The following APP variants were observed in gnomAD, a reference collection of about 807,000 sequenced individuals.
APP encodes the protein amyloid beta precursor protein.
A neutral mutation model predicts 101.4 loss-of-function variants in APP; 31 were observed. The ratio of observed to expected loss-of-function variants is 0.31; its 90% CI spans 0.23 to 0.41. The LOEUF is 0.41. APP is among the 10% of genes least tolerant of loss of function. The pLI is 1.00. For synonymous variants in APP, 366 were observed against 364.4 expected, an observed-to-expected ratio of 1.00 and a Z score of -0.05; for missense variants, 839 against 1,003.7, an observed-to-expected ratio of 0.84 and a Z score of 2.22.
At chr21:26,084,477 G>A (rs1024955739) in intron 3 of APP, among the ~76,000 whole-genome samples, 19 of 152,216 alleles carry the variant, frequency 1.2e-4, no homozygotes, top group Admixed American at 7.8e-4. Flanking sequence ...CTGACCTTGC[G>A]ATCCGCCCAT....
At chr21:26,045,099 C>A (rs769042510) in intron 5 of APP, among the ~76,000 whole-genome samples, 155 of 151,600 alleles carry the variant, frequency 1.0e-3, no homozygotes, top group Non-Finnish European at 1.8e-3. Flanking sequence ...AGAGATAATG[C>A]AGAAAAAAAG....
At chr21:26,089,900 C>G in intron 3 of APP, 43 bp downstream of exon 3, 1 of 1,612,932 alleles carries the variant, frequency 6.2e-7, no homozygotes, top group Non-Finnish European at 8.5e-7. Flanking sequence ...TCCCTCAAGA[C>G]CAGGCCCCCA....
At chr21:25,909,416 TATACCAG>T (rs2038955509) in intron 14 of APP, among the ~76,000 whole-genome samples, 1 of 152,176 alleles carries the variant, frequency 6.6e-6, no homozygotes, top group Non-Finnish European at 1.5e-5. Context: ...CCAAAATTGT[TATACCAG>T]ATTCTACTGT....
intron 1 of APP, among the ~76,000 whole-genome samples, chr21:26,143,354 C>T (rs2063088108): frequency 6.6e-6 from 1 of 151,970 alleles, no homozygotes; most frequent in Admixed American, 6.6e-5. Flanking sequence ...AGTTATTATC[C>T]CTTTTGGCTT....
intron 16 of APP, among the ~76,000 whole-genome samples, chr21:25,892,711 T>C (rs979076208): frequency 3.9e-5 from 6 of 152,316 alleles, no homozygotes; most frequent in African/African-American, 9.6e-5. Flanking sequence ...TAAAATTTCA[T>C]TTACTGCACT....
At chr21:25,967,446 CTAAG>C (rs1276432259) in intron 11 of APP, among the ~76,000 whole-genome samples, 1 of 152,136 alleles carries the variant, frequency 6.6e-6, no homozygotes, top group Non-Finnish European at 1.5e-5. Flanking sequence ...AAGATTTAGA[CTAAG>C]TATCTGTAAA....
intron 3 of APP, among the ~76,000 whole-genome samples, chr21:26,055,341 A>G (rs1221811194): frequency 1.3e-5 from 2 of 152,232 alleles, no homozygotes; most frequent in Non-Finnish European, 2.9e-5. Flanking sequence ...AAGCATTAAG[A>G]TATAAATTAT....
At chr21:26,107,694 G>C (rs771755006) in intron 2 of APP, among the ~76,000 whole-genome samples, 1 of 152,176 alleles carries the variant, frequency 6.6e-6, no homozygotes, top group Admixed American at 6.5e-5. Context: ...GGTAAAATGA[G>C]TGCAAGTACT....
intron 1 of APP, among the ~76,000 whole-genome samples, chr21:26,150,946 A>G (rs1419836385): frequency 6.6e-6 from 1 of 152,184 alleles, no homozygotes; most frequent in African/African-American, 2.4e-5. Flanking sequence ...TTTGCTCCAA[A>G]TACCTATAAT....
At chr21:26,080,769 CAAA>C (rs58573361) in intron 3 of APP, among the ~76,000 whole-genome samples, 11 of 95,824 alleles carry the variant, frequency 1.1e-4, no homozygotes, top group Admixed American at 1.2e-4. Context: ...GACTCTATCT[CAAA>C]AAAAAAAAAA....
At chr21:26,030,964 T>C (rs1377824126) in intron 5 of APP, among the ~76,000 whole-genome samples, 1 of 152,194 alleles carries the variant, frequency 6.6e-6, no homozygotes, top group Non-Finnish European at 1.5e-5. Flanking sequence ...CTTCCTGGTA[T>C]TTACATTCTA....
chr21:26,077,826 G>C (rs898727063), intron 3 of APP, among the ~76,000 whole-genome samples: 1 of 149,792 alleles, frequency 6.7e-6, no homozygotes, highest in Admixed American at 6.7e-5. Context: ...TCACCAACAA[G>C]TTGAAATTTA....
intron 13 of APP, among the ~76,000 whole-genome samples, chr21:25,929,538 A>C (rs1257848492): frequency 6.6e-6 from 1 of 152,160 alleles, no homozygotes; most frequent in Non-Finnish European, 1.5e-5. Flanking sequence ...ATTAGGCCTG[A>C]GGACACAGAG....
intron 6 of APP, among the ~76,000 whole-genome samples, chr21:26,014,549 C>T (rs2043967883): frequency 6.6e-6 from 1 of 152,184 alleles, no homozygotes; most frequent in African/African-American, 2.4e-5. Context: ...ACTTTCTCTT[C>T]TCCATGCTGC....
rs1338174387 is a variant in APP at position 26,053,311 on chromosome 21, G to C, written c.393C>G (p.Asp131Glu). 1.2e-6 allele frequency: 2 copies of C among 1,613,756 alleles called. No individual in the cohort carries two copies. Among genetic ancestry groups the C allele is most frequent in the East Asian group, 2.2e-5 (1 of 44,872 alleles). Residue 131 changes from aspartate to glutamate, a missense_variant, in exon 4 of 18, where the codon GAC becomes GAG. Asp to Glu is a conservative substitution (Grantham distance 45, BLOSUM62 2). Coordinates refer to ENST00000346798, the MANE Select transcript of APP (RefSeq NM_000484.4). Reference sequence around the variant, plus strand: ...TCTCCTGGTGTAAGAATTTGCACTTGTCAGGAACGAGAAGGGCATCACTTA... The same window carrying C: ...TCTCCTGGTGTAAGAATTTGCACTTCTCAGGAACGAGAAGGGCATCACTTA... ...EFVSDALLVPDKCKFLHQERM... is the reference protein window; with the variant it reads ...EFVSDALLVPEKCKFLHQERM...
chr21:26,102,091 T>TC (rs1451341276), intron 2 of APP, among the ~76,000 whole-genome samples: 2 of 70,340 alleles, frequency 2.8e-5, no homozygotes, highest in East Asian at 7.6e-4. Context: ...GGTTTTTTTT[T>TC]TTTTTTTTTT....
chr21:25,990,869 G>C (rs7276426), intron 8 of APP, among the ~76,000 whole-genome samples: 152,296 of 152,296 alleles, frequency 1, 76,148 homozygotes, highest in Non-Finnish European at 1. Context: ...ACATCCTGGG[G>C]TCAAAAATAA....
In APP at chr21:26,074,673, C is replaced by A. The variant is rs577786702; in HGVS notation, c.355+15270G>T. Among the ~76,000 whole-genome samples the A allele has an allele frequency of 4.9e-4, 74 of 152,098 alleles. 1 individual carries two copies. In the Middle Eastern group the frequency reaches 0.01, roughly 21 times the overall value. On this transcript the variant is annotated intron_variant, in intron 3 of 17. Coordinates refer to ENST00000346798, the MANE Select transcript of APP (RefSeq NM_000484.4). The stretch of plus-strand genomic sequence containing the variant: ...GGCTGAGGCAAGAGAATCGCTTGAA[C>A]CCGGGAGGCGGAGGTTGCAGTGAGC...
intron 5 of APP, among the ~76,000 whole-genome samples, chr21:26,024,584 G>T (rs958058879): frequency 6.6e-6 from 1 of 152,142 alleles, no homozygotes; most frequent in Non-Finnish European, 1.5e-5. Context: ...TAACAGGACC[G>T]CCATAAGTAG....
Sources: gnomAD v4.1 joint callset for allele counts (sites outside exome capture counted in the v4.1 genomes callset) on GRCh38, gnomAD v4.1.1 for gene constraint, MANE v1.5 for transcripts, NCBI Gene and HGNC (gene_info 2026-07-23, HGNC 2026-07-21) for gene names.